HS3ST5: variants seen among roughly 807,000 people sequenced by gnomAD.
HS3ST5 encodes heparan sulfate-glucosamine 3-sulfotransferase 5.
Under a neutral mutation model 25.4 loss-of-function variants are expected in HS3ST5, and 10 were observed. The observed-to-expected ratio is 0.39, with a 90% CI of 0.24 to 0.67. The LOEUF (loss-of-function observed/expected upper bound fraction) is 0.67. HS3ST5 is among the 30% of genes least tolerant of loss of function. HS3ST5 has a pLI of 0.44. For missense variants in HS3ST5, 324 were observed against 420.7 expected, an observed-to-expected ratio of 0.77 and a Z score of 2.01; for synonymous variants, 170 against 162.4, an observed-to-expected ratio of 1.05 and a Z score of -0.36.
At chr6:114,339,819 GA>G (rs1438871204) in intron 1 of HS3ST5, among the ~76,000 whole-genome samples, 1 of 152,144 alleles carries the variant, frequency 6.6e-6, no homozygotes, top group Non-Finnish European at 1.5e-5. Context: ...ATTTAGGAGG[GA>G]AACAAAGTTG....
chr6:114,218,813 A>T (rs1184812636), intron 2 of HS3ST5, among the ~76,000 whole-genome samples: 1 of 152,202 alleles, frequency 6.6e-6, no homozygotes, highest in Non-Finnish European at 1.5e-5. Flanking sequence ...AAACTTTTTA[A>T]ATCTATTTTT....
At chr6:114,215,080 C>T (rs544715520) in intron 2 of HS3ST5, among the ~76,000 whole-genome samples, 294 of 152,092 alleles carry the variant, frequency 1.9e-3, no homozygotes, top group African/African-American at 6.7e-3. Flanking sequence ...CCGAGGCGGG[C>T]AGATCACGAG....
intron 1 of HS3ST5, among the ~76,000 whole-genome samples, chr6:114,304,361 C>T (rs533882997): frequency 6.6e-6 from 1 of 152,058 alleles, no homozygotes; most frequent in Non-Finnish European, 1.5e-5. Context: ...TAAAGGGCTA[C>T]CACAGAAATA....
chr6:114,225,271 A>T (rs4945993), intron 2 of HS3ST5, among the ~76,000 whole-genome samples: 1 of 151,626 alleles, frequency 6.6e-6, no homozygotes, highest in Non-Finnish European at 1.5e-5. Flanking sequence ...GTAACAAGGC[A>T]TTGAAGGAAA....
At chr6:114,072,925 G>A (rs967157813) in intron 3 of HS3ST5, among the ~76,000 whole-genome samples, 4 of 152,156 alleles carry the variant, frequency 2.6e-5, no homozygotes, top group Non-Finnish European at 4.4e-5. Flanking sequence ...AAAACAGCAT[G>A]GTACTGGTAC....
At chr6:114,108,159 T>C (rs34298844) in intron 3 of HS3ST5, among the ~76,000 whole-genome samples, 3 of 151,914 alleles carry the variant, frequency 2.0e-5, no homozygotes, top group Admixed American at 6.6e-5. Context: ...AGAGAAAATA[T>C]AAAGAATTAC....
chr6:114,307,150 G>C (rs914766741), intron 1 of HS3ST5, among the ~76,000 whole-genome samples: 3 of 152,160 alleles, frequency 2.0e-5, no homozygotes, highest in African/African-American at 7.2e-5. Flanking sequence ...TAAAACTGCA[G>C]TTTCCAAACT....
intron 2 of HS3ST5, among the ~76,000 whole-genome samples, chr6:114,200,892 C>T (rs1780981936): frequency 6.6e-6 from 1 of 152,172 alleles, no homozygotes; most frequent in African/African-American, 2.4e-5. Context: ...CATCAATTCT[C>T]TCAAGGATGC....
chr6:114,342,739 G>C lies in HS3ST5; in HGVS notation c.-883C>G, dbSNP rs1760575890. On this transcript the variant is annotated 5_prime_UTR_variant, in exon 1 of 5. Transcript: ENST00000312719. ...CGGGCGTCCTCGGTGACAGCTCCTC[G>C]GGCAGCCCGCTCCCTCCCAATCCGC... The C allele has an allele frequency of 1.3e-5, 2 of 152,648 alleles. No individual in the cohort carries two copies. The highest frequency in any genetic ancestry group is 2.9e-5 in the Non-Finnish European group (2 of 68,458). 9.5% of individuals were successfully genotyped at this position (152,648 alleles called of 1,614,324 possible).
intron 3 of HS3ST5, among the ~76,000 whole-genome samples, chr6:114,106,652 G>T (rs951664583): frequency 5.3e-5 from 8 of 151,988 alleles, no homozygotes; most frequent in African/African-American, 1.9e-4. Flanking sequence ...CTTTCCTTTT[G>T]AAAAAACTTC....
intron 3 of HS3ST5, among the ~76,000 whole-genome samples, chr6:114,126,469 C>T (rs771386142): frequency 3.3e-5 from 5 of 152,156 alleles, no homozygotes; most frequent in Non-Finnish European, 7.4e-5. Flanking sequence ...GATTAAGAAA[C>T]AGGATCCTCC....
chr6:114,323,691 T>A (rs958483666), intron 1 of HS3ST5, among the ~76,000 whole-genome samples: 2 of 152,172 alleles, frequency 1.3e-5, no homozygotes, highest in African/African-American at 2.4e-5. Context: ...ATACAATGTG[T>A]ATTCAACCAG....
intron 1 of HS3ST5, among the ~76,000 whole-genome samples, chr6:114,290,747 G>A (rs890112015): frequency 6.6e-6 from 1 of 151,784 alleles, no homozygotes; most frequent in Non-Finnish European, 1.5e-5. Flanking sequence ...CAATTACTAG[G>A]TGCCACTTGT....
chr6:114,111,107 C>T (rs1776244715), intron 3 of HS3ST5, among the ~76,000 whole-genome samples: 1 of 152,068 alleles, frequency 6.6e-6, no homozygotes, highest in African/African-American at 2.4e-5. Context: ...TCGTTTTTTA[C>T]TGCTTTGGAA....
chr6:114,082,164 A>G (rs1360715604), intron 3 of HS3ST5, among the ~76,000 whole-genome samples: 1 of 152,168 alleles, frequency 6.6e-6, no homozygotes. Flanking sequence ...TTCAAACCAA[A>G]TGCAGAAATA....
chr6:114,229,250 G>A (rs567335836), intron 1 of HS3ST5, among the ~76,000 whole-genome samples: 134 of 152,250 alleles, frequency 8.8e-4, no homozygotes, highest in Non-Finnish European at 1.3e-3. Flanking sequence ...GTATAAACAA[G>A]AAAATATTCT....
At chr6:114,157,041 A>C (rs933830643) in intron 3 of HS3ST5, among the ~76,000 whole-genome samples, 4 of 152,098 alleles carry the variant, frequency 2.6e-5, no homozygotes, top group Admixed American at 2.0e-4. Context: ...AATAACAGGC[A>C]CTTCAACCTT....
At chr6:114,209,354 AT>A (rs1282109337) in intron 2 of HS3ST5, among the ~76,000 whole-genome samples, 4 of 151,704 alleles carry the variant, frequency 2.6e-5, no homozygotes, top group South Asian at 2.1e-4. Context: ...AAACTTGTGT[AT>A]TTTTTATACC....
intron 1 of HS3ST5, chr6:114,230,337 C>T (rs1771522376): frequency 6.6e-6 from 1 of 151,990 alleles, no homozygotes; most frequent in Non-Finnish European, 1.5e-5. Context: ...TGACATTACT[C>T]AAAATCTCAG....
Sources: allele counts gnomAD v4.1 joint callset (sites outside exome capture counted in the v4.1 genomes callset), GRCh38; gene constraint gnomAD v4.1.1; transcripts MANE v1.5; gene names NCBI Gene and HGNC (gene_info 2026-07-23, HGNC 2026-07-21).